Variants in CBFA2T3 observed in about 807,000 individuals in gnomAD.
The protein encoded by CBFA2T3 is transcriptional corepressor CBFA2T3.
CBFA2T3 carries 31 observed loss-of-function variants against 58.6 expected under a neutral mutation model. The ratio of observed to expected loss-of-function variants is 0.53; its 90% CI spans 0.40 to 0.71. The LOEUF (loss-of-function observed/expected upper bound fraction) is 0.71. Ranked by LOEUF, CBFA2T3 falls within the 30% of genes least tolerant of loss-of-function variation. CBFA2T3 has a pLI of 0.00. For missense variants in CBFA2T3, 1,076 were observed against 963.1 expected (o/e 1.12, Z -1.55); for synonymous variants, 531 against 421.9 (o/e 1.26, Z -3.17).
At chr16:88,940,986 C>G (rs2142807231) in intron 1 of CBFA2T3, 1 of 941,044 alleles carries the variant, frequency 1.1e-6, no homozygotes, top group Non-Finnish European at 1.3e-6. Flanking sequence ...CGGGGTAGAG[C>G]GGCGGCGGCG....
rs144518374 is a variant in CBFA2T3 at position 88,889,969 on chromosome 16, C to T, written c.711+1913G>A. Among the ~76,000 whole-genome samples the T allele has an allele frequency of 3.6e-3, 528 of 147,814 alleles. 24 individuals carry two copies. The highest frequency in any genetic ancestry group is 0.013 in the African/African-American group (491 of 38,966). On this transcript the variant is annotated intron_variant, in intron 5 of 11. Coordinates refer to ENST00000268679, the MANE Select transcript of CBFA2T3 (RefSeq NM_005187.6). The stretch of plus-strand genomic sequence containing the variant: ...CGTGCGATTCCTCCTCCTCCAGGGA[C>T]GACGCCCCGTGATTCCTCCTCCTCC...
At chr16:88,907,454 G>A (rs955110565) in intron 1 of CBFA2T3, among the ~76,000 whole-genome samples, 10 of 152,230 alleles carry the variant, frequency 6.6e-5, no homozygotes, top group South Asian at 4.1e-4. Context: ...GGAATCTGAC[G>A]AGAAGGGCTC....
rs1022693344 is a variant in CBFA2T3, at chr16:88,953,016, C to T, written c.151+23641G>A. Among the ~76,000 whole-genome samples, 2 of 151,938 alleles carry T rather than the reference C, an allele frequency of 1.3e-5. No individual in the cohort carries two copies. The highest frequency in any genetic ancestry group is 4.8e-5 in the African/African-American group (2 of 41,366). On this transcript the variant is annotated intron_variant, in intron 1 of 11. Coordinates refer to ENST00000268679, the MANE Select transcript of CBFA2T3 (RefSeq NM_005187.6). This position sits in a 1 kb window ranked among gnomAD's most constrained non-coding sequence, Gnocchi z 4.9. Reference sequence around the variant, plus strand: ...GTGTCGAGACGGCATGTCCCGCCATCGGGTTTGCTGCTGAATGAGCAGATG... The same window carrying T: ...GTGTCGAGACGGCATGTCCCGCCATTGGGTTTGCTGCTGAATGAGCAGATG...
chr16:88,966,089 C>T (rs1025688856), intron 1 of CBFA2T3, among the ~76,000 whole-genome samples: 6 of 152,348 alleles, frequency 3.9e-5, no homozygotes, highest in South Asian at 2.1e-4. Flanking sequence ...CGCCTCCTCT[C>T]GTAGCTGCAA....
intron 1 of CBFA2T3, among the ~76,000 whole-genome samples, chr16:88,956,900 C>T (rs1345551963): frequency 6.6e-6 from 1 of 152,230 alleles, no homozygotes; most frequent in Non-Finnish European, 1.5e-5. Flanking sequence ...TGCCTGGCAC[C>T]CTCCAGTCCA....
chr16:88,907,978 G>A (rs2142682386), intron 1 of CBFA2T3, among the ~76,000 whole-genome samples: 1 of 152,328 alleles, frequency 6.6e-6, no homozygotes, highest in East Asian at 1.9e-4. Flanking sequence ...AGGACAGGGA[G>A]AGAGTGCCAG....
At position 88,877,044 on chromosome 16, in the gene CBFA2T3, C is replaced by T. The variant is rs762172260; in HGVS notation, c.1894G>A (p.Gly632Ser). Reference sequence around the variant, plus strand: ...CCGGGGCGAGAAGGCCCCGCAGAGCCGGCTTCGCTGGGGCTGGCAGCACCC... The same window carrying T: ...CCGGGGCGAGAAGGCCCCGCAGAGCTGGCTTCGCTGGGGCTGGCAGCACCC... ...PVGAASPSEA[G>S]SAGPSRPGSP... The change falls in exon 12 of 12, where the codon GGC becomes AGC. Residue 632 changes from glycine (G) to serine (S), a missense_variant. Coordinates refer to ENST00000268679, the MANE Select transcript of CBFA2T3 (RefSeq NM_005187.6). The T allele has an allele frequency of 4.1e-5, 62 of 1,513,286 alleles. No individual in the cohort carries two copies. The Middle Eastern group carries it at 6.7e-4, about 16-fold the overall frequency. The allele number at this position is 1,513,286 out of a possible 1,614,324, so 93.7% of individuals were successfully genotyped here. A position where few individuals can be genotyped will look rare whatever the true frequency, so the allele number is the denominator to read the frequency against.
At chr16:88,892,034 C>A (rs765770392) in intron 4 of CBFA2T3, 63 bp from the exon 5 acceptor site, 3 of 1,463,350 alleles carry the variant, frequency 2.1e-6, no homozygotes, top group African/African-American at 1.4e-5. Flanking sequence ...CGCCGACCCA[C>A]CCATGCCTGA....
chr16:88,901,089 A>T (rs1011407983), intron 2 of CBFA2T3, among the ~76,000 whole-genome samples: 1 of 152,232 alleles, frequency 6.6e-6, no homozygotes, highest in Non-Finnish European at 1.5e-5. Context: ...ACCCTGCGGA[A>T]GCCCCTGACC....
At chr16:88,915,408 AGGGGGGAGCGTGGACGGGGGCAGCGTG>A (rs1970668818) in intron 1 of CBFA2T3, among the ~76,000 whole-genome samples, 3 of 12,218 alleles carry the variant, frequency 2.5e-4, no homozygotes, top group African/African-American at 9.6e-4. Context: ...GGGAGCGTGG[AGGGGGGAGCGTGGACGGGGGCAGCGTG>A]GAGGAGTGGA....
intron 1 of CBFA2T3, among the ~76,000 whole-genome samples, chr16:88,923,217 C>T (rs1567610441): frequency 6.6e-6 from 1 of 152,192 alleles, no homozygotes; most frequent in Non-Finnish European, 1.5e-5. Flanking sequence ...CTGGTGTGGG[C>T]GAGTCCCCTG....
At position 88,881,435 on chromosome 16, in the gene CBFA2T3, G is replaced by C; in HGVS notation, c.1258C>G (p.Leu420Val). The stretch of plus-strand genomic sequence containing the variant: ...CGGTCGGCCTCCTGGCACCTGCGCA[G>C]CACCGTGAGCGAGCGCCGCGTCTTC... ...VEKTRRSLTV[L>V]RRCQEADREE... Residue 420 changes from leucine to valine, a missense_variant, in exon 9 of 12, where the codon CTG becomes GTG. By Grantham distance (32) the Leu-to-Val change is conservative (BLOSUM62 1). Coordinates refer to ENST00000268679, the MANE Select transcript of CBFA2T3 (RefSeq NM_005187.6). 1 of 1,609,710 alleles carries C rather than the reference G, an allele frequency of 6.2e-7. No homozygotes were observed. The highest frequency in any genetic ancestry group is 8.5e-7 in the Non-Finnish European group (1 of 1,178,592).
At chr16:88,952,858 C>G (rs372479274) in intron 1 of CBFA2T3, among the ~76,000 whole-genome samples, 1 of 151,262 alleles carries the variant, frequency 6.6e-6, no homozygotes, top group Non-Finnish European at 1.5e-5. Context: ...AGGCTTCCTT[C>G]CCCCCCACCC....
chr16:88,964,732 C>T (rs1972451575), intron 1 of CBFA2T3, among the ~76,000 whole-genome samples: 1 of 152,114 alleles, frequency 6.6e-6, no homozygotes, highest in South Asian at 2.1e-4. Flanking sequence ...TCCATCTATC[C>T]ACCCACCAAC....
chr16:88,905,793 A>T lies in CBFA2T3; in HGVS notation c.152-4137T>A, dbSNP rs567051659. ...GGATGAGGGGGCGGGGCTGAGAGCT[A>T]GTCTGCGGCAGGTGGGAGGGGCTGG... On this transcript the variant is annotated intron_variant, in intron 1 of 11. Transcript: ENST00000268679. Among the ~76,000 whole-genome samples, 5 of 143,984 alleles carry T rather than the reference A, an allele frequency of 3.5e-5. 1 individual carries two copies. The East Asian group carries it at 1.0e-3, about 29-fold the overall frequency. The allele number at this position is 143,984 out of a possible 152,430, so 94.5% of individuals were successfully genotyped here.
chr16:88,974,357 C>G lies in CBFA2T3; in HGVS notation c.151+2300G>C, dbSNP rs949802476. Among the ~76,000 whole-genome samples, 3 of 152,262 alleles carry G rather than the reference C, an allele frequency of 2.0e-5. No homozygotes were observed. In the East Asian group the frequency reaches 5.8e-4, roughly 29 times the overall value. On this transcript the variant is annotated intron_variant, in intron 1 of 11. Transcript: ENST00000268679. ...AGGGGTCAGTGAGGATCCAGACCCT[C>G]CGCGTGAGGGGGCTGGTGAAGGAGC... is the stretch of plus-strand genomic sequence containing the variant.
chr16:88,908,271 G>C (rs781545182), intron 1 of CBFA2T3, among the ~76,000 whole-genome samples: 1 of 152,114 alleles, frequency 6.6e-6, no homozygotes, highest in Admixed American at 6.5e-5. Flanking sequence ...CAGCCTGGAA[G>C]GCAGAGGTTG....
chr16:88,892,237 A>G lies in CBFA2T3; in HGVS notation c.621+7T>C, dbSNP rs1567585228. On this transcript the variant is annotated splice_region_variant and intron_variant, in intron 4 of 11. Coordinates refer to ENST00000268679, the MANE Select transcript of CBFA2T3 (RefSeq NM_005187.6). ...CCCAAGGCCCCGGCTGTCCCTGCCC[A>G]ACTCACCACCAGGCCCAGCACCAGT... 4 of 1,605,992 alleles carry G rather than the reference A, an allele frequency of 2.5e-6. No homozygotes were observed. The South Asian group carries it at 4.4e-5, about 18-fold the overall frequency.
intron 3 of CBFA2T3, among the ~76,000 whole-genome samples, chr16:88,894,602 A>ACAC (rs1249075313): frequency 9.1e-5 from 13 of 143,388 alleles, no homozygotes; most frequent in African/African-American, 3.6e-4. Flanking sequence ...ACATGCACAC[A>ACAC]ATGTACACAC....
Sources: gnomAD v4.1 joint callset for allele counts (sites outside exome capture counted in the v4.1 genomes callset) on GRCh38, gnomAD v4.1.1 for gene constraint, Gnocchi (gnomAD v3.1) non-coding constraint, MANE v1.5 for transcripts, NCBI Gene and HGNC (gene_info 2026-07-23, HGNC 2026-07-21) for gene names.